Variants in CSTL1 observed in about 807,000 individuals in gnomAD.
The protein encoded by CSTL1 is cystatin like 1.
In CSTL1, 14 loss-of-function variants were observed where a neutral mutation model predicts 14.4. The observed-to-expected ratio is 0.97, with a 90% CI of 0.64 to 1.52. The LOEUF (loss-of-function observed/expected upper bound fraction) is 1.52. Ranked by LOEUF, CSTL1 falls within the 40% of genes most tolerant of loss-of-function variation. CSTL1 has a pLI of 0.00. For synonymous variants in CSTL1, 72 were observed against 67.5 expected (o/e 1.07, Z -0.33); for missense variants, 170 against 168.7 (o/e 1.01, Z -0.04).
At chr20:23,452,636 C>T in the CSTL1 span, 4 of 1,614,144 alleles carry the variant, frequency 2.5e-6, no homozygotes, top group Non-Finnish European at 3.4e-6. Context: ...CTTGTCATCA[C>T]TTTCCTTGTT....
chr20:23,447,907 T>C (rs1001038963), downstream of CSTL1, among the ~76,000 whole-genome samples: 1 of 152,272 alleles, frequency 6.6e-6, no homozygotes, highest in Non-Finnish European at 1.5e-5. Context: ...TACTTACTTA[T>C]CGATTTAAAT....
At chr20:23,455,223 T>C in the CSTL1 span, among the ~76,000 whole-genome samples, 1 of 152,206 alleles carries the variant, frequency 6.6e-6, no homozygotes, top group Admixed American at 6.5e-5. Flanking sequence ...GTTTATTTTC[T>C]TGTTTATATA....
At chr20:23,451,600 G>A in the CSTL1 span, among the ~76,000 whole-genome samples, 1 of 152,106 alleles carries the variant, frequency 6.6e-6, no homozygotes, top group Non-Finnish European at 1.5e-5. Flanking sequence ...CTCTGGACAT[G>A]TTCAGCCTCC....
At chr20:23,445,152 C>T (rs962837347), downstream of CSTL1, among the ~76,000 whole-genome samples, 3 of 152,046 alleles carry the variant, frequency 2.0e-5, no homozygotes, top group African/African-American at 7.2e-5. Flanking sequence ...ATGTCAAGCA[C>T]ATGCACACTC....
intron 2 of CSTL1, among the ~76,000 whole-genome samples, chr20:23,443,668 C>G (rs1052082079): frequency 9.2e-5 from 14 of 152,202 alleles, no homozygotes; most frequent in Non-Finnish European, 1.8e-4. Context: ...TTGATGTTGC[C>G]TCTTCTGTCC....
At position 23,440,349 on chromosome 20, in the gene CSTL1, T is replaced by C; in HGVS notation, c.82T>C (p.Trp28Arg). 6.2e-7 allele frequency: 1 copy of C among 1,614,022 alleles called. No homozygotes were observed. The highest frequency in any genetic ancestry group is 1.1e-5 in the South Asian group (1 of 91,076). The change falls in exon 2 of 4, where the codon TGG becomes CGG. Residue 28 changes from tryptophan to arginine, a missense_variant. Physicochemically the swap from Trp to Arg is moderately radical, Grantham distance 101. Coordinates refer to ENST00000347397, the MANE Select transcript of CSTL1 (RefSeq NM_138283.1). ...LSAKLGHFQR[W>R]EGFQQKLMSK... ...AGCCAAGCTGGGTCACTTCCAAAGG[T>C]GGGAGGGCTTCCAGCAGAAGCTCAT...
At position 23,440,333 on chromosome 20, in the gene CSTL1, G is replaced by C. The variant is rs1986797018; in HGVS notation, c.66G>C (p.Leu22=). 2 of 1,614,188 alleles carry C rather than the reference G, an allele frequency of 1.2e-6. No individual in the cohort carries two copies. The highest frequency in any genetic ancestry group is 8.5e-7 in the Non-Finnish European group (1 of 1,180,038). The stretch of plus-strand genomic sequence containing the variant: ...TTGCCCTGGTCCTGTCAGCCAAGCT[G>C]GGTCACTTCCAAAGGTGGGAGGGCT... ...LLIALVLSAK[L]GHFQRWEGFQ... is the part of the protein sequence containing the mutation. The change falls in exon 2 of 4, where the codon CTG becomes CTC. Residue 22 remains leucine, a synonymous_variant. Coordinates refer to ENST00000347397, the MANE Select transcript of CSTL1 (RefSeq NM_138283.1).
Position 23,444,032 on chromosome 20 carries a change from G to C in CSTL1, c.318G>C (p.Lys106Asn), listed in dbSNP as rs1175353162. ...TSNSSCPLQS[K>N]KLRKSLICES... ...ATTCTTCCTGCCCCCTGCAAAGCAA[G>C]AAGCTGAGAAAGGTGTGTAGTGGAA... The change falls in exon 3 of 4, where the codon AAG becomes AAC. Residue 106 changes from lysine to asparagine, a missense_variant. By Grantham distance (94) the Lys-to-Asn change is moderately conservative. Coordinates refer to ENST00000347397, the MANE Select transcript of CSTL1 (RefSeq NM_138283.1). The C allele has an allele frequency of 6.2e-7, 1 of 1,613,792 alleles. No homozygotes were observed. Among genetic ancestry groups the C allele is most frequent in the East Asian group, 2.2e-5 (1 of 44,882 alleles).
At chr20:23,461,001 G>A in the CSTL1 span, among the ~76,000 whole-genome samples, 1 of 152,106 alleles carries the variant, frequency 6.6e-6, no homozygotes, top group African/African-American at 2.4e-5. Flanking sequence ...GTCTTTAAAG[G>A]TGCAGTCACC....
the CSTL1 span, among the ~76,000 whole-genome samples, chr20:23,451,398 C>T: frequency 2.0e-5 from 3 of 152,208 alleles, no homozygotes; most frequent in African/African-American, 7.2e-5. Context: ...TCCTCCTCCC[C>T]CTGGATGAAC....
the CSTL1 span, among the ~76,000 whole-genome samples, chr20:23,455,769 A>G: frequency 6.3e-3 from 963 of 152,352 alleles, 11 homozygotes; most frequent in African/African-American, 0.021. Flanking sequence ...TCGATCTTCC[A>G]CAGGGTTGCA....
At chr20:23,443,014 C>G (rs1986871282) in intron 2 of CSTL1, among the ~76,000 whole-genome samples, 2 of 152,178 alleles carry the variant, frequency 1.3e-5, no homozygotes, top group African/African-American at 4.8e-5. Context: ...TGGCCTCACA[C>G]TTGATCACAA....
chr20:23,447,422 G>C (rs1986989320), downstream of CSTL1, among the ~76,000 whole-genome samples: 2 of 151,048 alleles, frequency 1.3e-5, no homozygotes, highest in Non-Finnish European at 2.9e-5. Context: ...GAGTGTGCCT[G>C]TCTAATGCTG....
intron 3 of CSTL1, 47 bp downstream of exon 3, chr20:23,444,091 T>C: frequency 6.5e-7 from 1 of 1,541,980 alleles, no homozygotes; most frequent in Non-Finnish European, 9.0e-7. Context: ...GTGAATATTT[T>C]AAAAAGCAAC....
At chr20:23,443,690 C>T (rs946247185) in intron 2 of CSTL1, among the ~76,000 whole-genome samples, 4 of 152,174 alleles carry the variant, frequency 2.6e-5, no homozygotes, top group Non-Finnish European at 5.9e-5. Context: ...GAGGATGGAA[C>T]AGAGGCAGGT....
At chr20:23,450,580 A>T in the CSTL1 span, 1 of 1,607,766 alleles carries the variant, frequency 6.2e-7, no homozygotes, top group Non-Finnish European at 8.5e-7. Context: ...GAGAAGAAGC[A>T]GTTGACTTGC....
downstream of CSTL1, among the ~76,000 whole-genome samples, chr20:23,448,035 GTTATTA>G (rs1987002780): frequency 6.6e-6 from 1 of 150,888 alleles, no homozygotes. Flanking sequence ...TATTATTATT[GTTATTA>G]TTATTTTATT....
At chr20:23,458,447 C>T in the CSTL1 span, 7 of 152,202 alleles carry the variant, frequency 4.6e-5, no homozygotes, top group African/African-American at 1.7e-4. Flanking sequence ...TCCTGCCCTG[C>T]TAAATCTTCT....
At chr20:23,459,960 G>A in the CSTL1 span, among the ~76,000 whole-genome samples, 1 of 152,130 alleles carries the variant, frequency 6.6e-6, no homozygotes, top group Non-Finnish European at 1.5e-5. Context: ...GTCTTCAACT[G>A]GTTCCCAGTG....
Sources: allele counts gnomAD v4.1 joint callset (sites outside exome capture counted in the v4.1 genomes callset), GRCh38; gene constraint gnomAD v4.1.1; transcripts MANE v1.5; gene names NCBI Gene and HGNC (gene_info 2026-07-23, HGNC 2026-07-21).